The following RGS6 variants were observed in gnomAD, a reference collection of about 807,000 sequenced individuals.
RGS6 encodes regulator of G protein signaling 6, also known as regulator of G-protein signaling 6.
In RGS6, 30 loss-of-function variants were observed where a neutral mutation model predicts 78.5. That is an observed-to-expected ratio of 0.38 (90% CI 0.29 to 0.52). The LOEUF is 0.52. Ranked by LOEUF, RGS6 falls within the 20% of genes least tolerant of loss-of-function variation. RGS6 has a pLI of 0.85. For synonymous variants in RGS6, 206 were observed against 206.0 expected (o/e 1.00, Z 0.00); for missense variants, 495 against 609.7 (o/e 0.81, Z 1.98).
At chr14:72,134,580 G>C (rs1013655105) in intron 2 of RGS6, among the ~76,000 whole-genome samples, 1 of 152,232 alleles carries the variant, frequency 6.6e-6, no homozygotes, top group Non-Finnish European at 1.5e-5. Context: ...CAGAGAAACA[G>C]AGCTAATAGG....
At chr14:72,082,620 T>C (rs1278757616) in intron 2 of RGS6, among the ~76,000 whole-genome samples, 1 of 152,154 alleles carries the variant, frequency 6.6e-6, no homozygotes, top group Non-Finnish European at 1.5e-5. Flanking sequence ...TGAATCATCA[T>C]GTTGTACCCC....
In RGS6 at chr14:72,121,806, G is replaced by A. The variant is rs116046420; in HGVS notation, c.84+156931G>A. On this transcript the variant is annotated intron_variant, in intron 2 of 17. Transcript: ENST00000553525. The stretch of plus-strand genomic sequence containing the variant: ...GTCTCCTGAGGATCTTTCAAGGACT[G>A]GAACTGCATCTTCACCATCTTTGTG... 7.3e-3 allele frequency among the ~76,000 whole-genome samples: 1,118 copies of A among 152,242 alleles called. 16 individuals carry two copies. The highest frequency in any genetic ancestry group is 0.026 in the African/African-American group (1,071 of 41,544).
chr14:72,443,892 C>T (rs1439459597), intron 3 of RGS6, among the ~76,000 whole-genome samples: 5 of 152,190 alleles, frequency 3.3e-5, no homozygotes, highest in South Asian at 2.1e-4. Flanking sequence ...CAGCCACCCT[C>T]GGGGAACAGA....
intron 2 of RGS6, among the ~76,000 whole-genome samples, chr14:72,173,617 C>G (rs2097059237): frequency 6.6e-6 from 1 of 152,152 alleles, no homozygotes; most frequent in African/African-American, 2.4e-5. Flanking sequence ...TCTCCAATAA[C>G]CTCGACTCTT....
rs201800858 is a variant in RGS6 at position 72,352,057 on chromosome 14, G to T, written c.85-38G>T. The T allele has an allele frequency of 6.6e-5, 96 of 1,446,350 alleles. No homozygotes were observed. The East Asian group carries it at 1.9e-3, about 28-fold the overall frequency. 89.6% of individuals were successfully genotyped at this position (1,446,350 alleles called of 1,614,324 possible). A position where few individuals can be genotyped will look rare whatever the true frequency, so the allele number is the denominator to read the frequency against. On this transcript the variant is annotated intron_variant, in intron 2 of 17. Coordinates refer to ENST00000553525, the MANE Select transcript of RGS6 (RefSeq NM_001204424.2). The stretch of plus-strand genomic sequence containing the variant: ...AAGGTACCATTTATAATTACATTAT[G>T]GGAGAAAATAACACTTCTTTTCTTT...
chr14:71,979,809 G>T (rs1451768192), intron 2 of RGS6, among the ~76,000 whole-genome samples: 3 of 151,856 alleles, frequency 2.0e-5, no homozygotes, highest in Non-Finnish European at 2.9e-5. Flanking sequence ...CAATTCCTGG[G>T]TATCCTTGTG....
chr14:72,310,616 A>G (rs567445789), intron 2 of RGS6, among the ~76,000 whole-genome samples: 79 of 152,310 alleles, frequency 5.2e-4, no homozygotes, highest in African/African-American at 1.8e-3. Context: ...TTTGGTGGCT[A>G]ATATGCATGG....
At chr14:72,558,148 C>A (rs1255380341) in intron 17 of RGS6, among the ~76,000 whole-genome samples, 1 of 152,172 alleles carries the variant, frequency 6.6e-6, no homozygotes. Context: ...TCATCCTTCT[C>A]CCCCAGGGGC....
the RGS6 span, among the ~76,000 whole-genome samples, chr14:71,887,356 C>T: frequency 1.3e-5 from 2 of 152,110 alleles, no homozygotes; most frequent in African/African-American, 4.8e-5. Context: ...TTTTAGGGAA[C>T]AAGGGAAGAC....
chr14:72,519,854 G>A (rs1350526520), intron 15 of RGS6, among the ~76,000 whole-genome samples: 1 of 152,172 alleles, frequency 6.6e-6, no homozygotes, highest in Non-Finnish European at 1.5e-5. Context: ...CAATATTTAT[G>A]AAACACAAGA....
the RGS6 span, among the ~76,000 whole-genome samples, chr14:71,883,496 G>T: frequency 0.31 from 46,522 of 152,080 alleles, 7,485 homozygotes; most frequent in South Asian, 0.42. Flanking sequence ...AGTGTGGCCC[G>T]GCCTTTGTCA....
At chr14:71,980,780 C>T (rs922239234) in intron 2 of RGS6, among the ~76,000 whole-genome samples, 1 of 87,492 alleles carries the variant, frequency 1.1e-5, no homozygotes, top group African/African-American at 4.4e-5. Flanking sequence ...GTGGCGTTCT[C>T]TGTATTTCCT....
At chr14:72,298,215 T>A (rs1457801946) in intron 2 of RGS6, among the ~76,000 whole-genome samples, 1 of 151,980 alleles carries the variant, frequency 6.6e-6, no homozygotes, top group Non-Finnish European at 1.5e-5. Flanking sequence ...TCTGCATCTA[T>A]TTAGATGGCC....
At chr14:72,033,990 G>A (rs1005422570) in intron 2 of RGS6, among the ~76,000 whole-genome samples, 2 of 151,994 alleles carry the variant, frequency 1.3e-5, no homozygotes, top group Non-Finnish European at 2.9e-5. Context: ...TTTGATTAGC[G>A]TTTTCTTGAT....
At chr14:72,299,670 A>G (rs1480951772) in intron 2 of RGS6, among the ~76,000 whole-genome samples, 1 of 152,164 alleles carries the variant, frequency 6.6e-6, no homozygotes, top group African/African-American at 2.4e-5. Flanking sequence ...TATTACAGCC[A>G]TCCTAGTGGG....
chr14:72,151,462 G>T (rs2096685479), intron 2 of RGS6, among the ~76,000 whole-genome samples: 1 of 152,232 alleles, frequency 6.6e-6, no homozygotes, highest in African/African-American at 2.4e-5. Context: ...CAGGAAGACT[G>T]AAATCAGGGC....
chr14:71,948,766 T>TA (rs2091934219), intron 1 of RGS6, among the ~76,000 whole-genome samples: 3 of 133,990 alleles, frequency 2.2e-5, no homozygotes, highest in Non-Finnish European at 3.2e-5. Flanking sequence ...TTTTTTTTTT[T>TA]AAAGAGATGA....
intron 2 of RGS6, among the ~76,000 whole-genome samples, chr14:72,108,239 C>T (rs1381477033): frequency 6.6e-6 from 1 of 152,076 alleles, no homozygotes; most frequent in Non-Finnish European, 1.5e-5. Context: ...ATTGAGTACC[C>T]TAGATACATT....
At chr14:71,909,350 G>A in the RGS6 span, among the ~76,000 whole-genome samples, 25 of 152,062 alleles carry the variant, frequency 1.6e-4, no homozygotes, top group African/African-American at 5.1e-4. Context: ...CCCTCTCTTC[G>A]GGCAACAGAG....
Sources: allele counts gnomAD v4.1 joint callset (sites outside exome capture counted in the v4.1 genomes callset), GRCh38; gene constraint gnomAD v4.1.1; transcripts MANE v1.5; gene names NCBI Gene and HGNC (gene_info 2026-07-23, HGNC 2026-07-21).